The following JMJD1C variants were observed in gnomAD, a reference collection of about 807,000 sequenced individuals.
JMJD1C encodes jumonji domain containing 1C, also known as jumonji domain-containing protein 1C.
In JMJD1C, 31 loss-of-function variants were observed where a neutral mutation model predicts 245.3. The observed-to-expected ratio is 0.13, with a 90% confidence interval of 0.09 to 0.17. The LOEUF is 0.17. Among genes scored for constraint, JMJD1C ranks in the 10% least tolerant of loss-of-function variants. The pLI, the probability that JMJD1C is intolerant of heterozygous loss-of-function variation, is 1.00. For synonymous variants in JMJD1C, 1,057 were observed against 1,017.4 expected (o/e 1.04, Z -0.74); for missense variants, 2,691 against 3,000.2 (o/e 0.90, Z 2.41).
At chr10:63,374,978 ACTT>A (rs376101489) in intron 2 of JMJD1C, among the ~76,000 whole-genome samples, 2 of 151,958 alleles carry the variant, frequency 1.3e-5, no homozygotes, top group African/African-American at 4.8e-5. Flanking sequence ...ACACAATTTT[ACTT>A]CTTTCTTTCC....
chr10:63,423,516 T>G (rs549804118), intron 1 of JMJD1C, among the ~76,000 whole-genome samples: 1 of 152,264 alleles, frequency 6.6e-6, no homozygotes, highest in Non-Finnish European at 1.5e-5. Context: ...GATATTCCAC[T>G]GTATTATATA....
At chr10:63,308,980 A>G (rs1938721001) in intron 2 of JMJD1C, among the ~76,000 whole-genome samples, 1 of 152,156 alleles carries the variant, frequency 6.6e-6, no homozygotes, top group Admixed American at 6.5e-5. Flanking sequence ...GGATCAGAAA[A>G]CAGAATGGCA....
At chr10:63,359,364 A>G (rs1945133439) in intron 2 of JMJD1C, among the ~76,000 whole-genome samples, 1 of 152,236 alleles carries the variant, frequency 6.6e-6, no homozygotes, top group South Asian at 2.1e-4. Context: ...TTTTACAGAG[A>G]ATTTATCCTA....
intron 1 of JMJD1C, among the ~76,000 whole-genome samples, chr10:63,399,590 T>C (rs1167270037): frequency 6.6e-6 from 1 of 152,190 alleles, no homozygotes; most frequent in African/African-American, 2.4e-5. Context: ...ACAATATATA[T>C]ACAACAGTCT....
At chr10:63,411,898 T>C (rs982259209) in intron 1 of JMJD1C, among the ~76,000 whole-genome samples, 28 of 147,106 alleles carry the variant, frequency 1.9e-4, no homozygotes, top group Non-Finnish European at 4.2e-4. Flanking sequence ...CCACAGCGCC[T>C]GGCCCAATTT....
intron 16 of JMJD1C, among the ~76,000 whole-genome samples, chr10:63,192,020 A>C (rs1167659805): frequency 6.6e-6 from 1 of 150,786 alleles, no homozygotes; most frequent in African/African-American, 2.4e-5. Flanking sequence ...CACAAAAAAC[A>C]AAACAAAAAA....
chr10:63,514,386 T>A (rs752620640), intron 1 of JMJD1C, among the ~76,000 whole-genome samples: 1 of 152,042 alleles, frequency 6.6e-6, no homozygotes, highest in Non-Finnish European at 1.5e-5. Flanking sequence ...TAGGTGCCCA[T>A]CAACAGGATT....
intron 1 of JMJD1C, among the ~76,000 whole-genome samples, chr10:63,445,932 GTGGTGTGATCTGGGCTCAC>G (rs1564928236): frequency 7.6e-6 from 1 of 132,422 alleles, no homozygotes; most frequent in Non-Finnish European, 1.5e-5. Context: ...CTGGAGTGCA[GTGGTGTGATCTGGGCTCAC>G]TGCAGCCTCA....
At chr10:63,314,672 G>T (rs1402182355) in intron 2 of JMJD1C, among the ~76,000 whole-genome samples, 3 of 150,416 alleles carry the variant, frequency 2.0e-5, no homozygotes, top group Non-Finnish European at 4.4e-5. Context: ...TTTGAGATGC[G>T]AGTTTCACTC....
chr10:63,214,733 T>A lies in JMJD1C; in HGVS notation c.1434A>T (p.Leu478Phe). Residue 478 changes from leucine (L) to phenylalanine (F), a missense_variant, in exon 8 of 26, where the codon TTA becomes TTT. Leu to Phe is a conservative substitution (Grantham distance 22). Transcript: ENST00000399262. The part of the protein sequence containing the change: ...STVSDHNSND[L>F]LPQECNMDKT... ...TATCCATATTGCATTCCTGAGGAAGTAAATCATTAGAATTATGATCAGAAA... is the reference window on the plus strand; with the variant it reads ...TATCCATATTGCATTCCTGAGGAAGAAAATCATTAGAATTATGATCAGAAA... The A allele has an allele frequency of 6.2e-7, 1 of 1,614,000 alleles. No individual in the cohort carries two copies. Among genetic ancestry groups the A allele is most frequent in the South Asian group, 1.1e-5 (1 of 91,074 alleles).
chr10:63,349,100 C>CAAAAAAAAAAAAA lies in JMJD1C; in HGVS notation c.333+31205_333+31217dup, dbSNP rs71463516. 2.3e-4 allele frequency among the ~76,000 whole-genome samples: 8 copies of CAAAAAAAAAAAAA among 34,866 alleles called. 2 individuals are homozygous for CAAAAAAAAAAAAA. Among genetic ancestry groups the CAAAAAAAAAAAAA allele is most frequent in the African/African-American group, 6.0e-4 (5 of 8,280 alleles). 22.9% of individuals were successfully genotyped at this position (34,866 alleles called of 152,430 possible). ...TGGGTGACAGAGTGAGACTCTGTCTCAAAAAAAAAAAAAAAAAAAAAAAAA... is the reference window on the plus strand; with the variant it reads ...TGGGTGACAGAGTGAGACTCTGTCTCAAAAAAAAAAAAAAAAAAAAAAAAAAAAAAAAAAAAAA... On this transcript the variant is annotated intron_variant, in intron 2 of 25. Coordinates refer to ENST00000399262, the MANE Select transcript of JMJD1C (RefSeq NM_032776.3).
intron 13 of JMJD1C, among the ~76,000 whole-genome samples, chr10:63,195,871 G>A (rs1845399296): frequency 6.6e-6 from 1 of 152,184 alleles, no homozygotes; most frequent in African/African-American, 2.4e-5. Context: ...GGAGGTTGCA[G>A]TGAGCCGAGA....
intron 2 of JMJD1C, among the ~76,000 whole-genome samples, chr10:63,277,616 AT>A (rs1564724503): frequency 6.6e-6 from 1 of 152,078 alleles, no homozygotes; most frequent in African/African-American, 2.4e-5. Context: ...TCTTACCAGA[AT>A]ATTTTGGGTG....
chr10:63,298,293 A>G (rs1312862448), intron 2 of JMJD1C, among the ~76,000 whole-genome samples: 1 of 152,204 alleles, frequency 6.6e-6, no homozygotes, highest in Admixed American at 6.5e-5. Flanking sequence ...AAACTCAAGC[A>G]CTGGTGCCAC....
intron 2 of JMJD1C, among the ~76,000 whole-genome samples, chr10:63,331,108 T>C (rs1005648308): frequency 6.6e-6 from 1 of 152,220 alleles, no homozygotes; most frequent in Non-Finnish European, 1.5e-5. Flanking sequence ...AAATTTCCAA[T>C]GCTAGTATCT....
intron 1 of JMJD1C, among the ~76,000 whole-genome samples, chr10:63,414,879 C>A (rs1057270275): frequency 2.7e-5 from 4 of 150,842 alleles, no homozygotes; most frequent in African/African-American, 9.8e-5. Flanking sequence ...TGCACTCCAG[C>A]CTGGGCGATA....
intron 2 of JMJD1C, among the ~76,000 whole-genome samples, chr10:63,296,301 T>C (rs1312125511): frequency 3.3e-5 from 5 of 152,008 alleles, no homozygotes; most frequent in East Asian, 1.9e-4. Context: ...TGAGACACCA[T>C]GCCTGGCTAT....
At chr10:63,288,488 T>C (rs1858241790) in intron 2 of JMJD1C, among the ~76,000 whole-genome samples, 2 of 152,238 alleles carry the variant, frequency 1.3e-5, no homozygotes, top group East Asian at 3.8e-4. Context: ...AGATGTGTTT[T>C]CAACTCATTT....
intron 3 of JMJD1C, among the ~76,000 whole-genome samples, chr10:63,240,381 T>A (rs977094039): frequency 2.6e-5 from 4 of 151,606 alleles, no homozygotes; most frequent in African/African-American, 9.7e-5. Context: ...AGTATCAGAG[T>A]AGCAACAGGA....
Sources: gnomAD v4.1 joint callset for allele counts (sites outside exome capture counted in the v4.1 genomes callset) on GRCh38, gnomAD v4.1.1 for gene constraint, MANE v1.5 for transcripts, NCBI Gene and HGNC (gene_info 2026-07-23, HGNC 2026-07-21) for gene names.